PGBD2: variants seen among roughly 807,000 people sequenced by gnomAD.
PGBD2 encodes the protein piggyBac transposable element-derived protein 2.
PGBD2 carries 6 observed loss-of-function variants against 8.1 expected under a neutral mutation model. The observed-to-expected ratio is 0.74, with a 90% CI of 0.40 to 1.46. PGBD2 has a LOEUF of 1.46. Among genes scored for constraint, PGBD2 ranks in the 40% most tolerant of loss-of-function variants. The pLI is 0.02. For synonymous variants in PGBD2, 318 were observed against 272.2 expected (o/e 1.17, Z -1.66); for missense variants, 802 against 739.0 (o/e 1.09, Z -0.99).
the PGBD2 span, among the ~76,000 whole-genome samples, chr1:248,894,159 A>T: frequency 6.6e-6 from 1 of 151,944 alleles, no homozygotes; most frequent in Non-Finnish European, 1.5e-5. Flanking sequence ...CCATCATCAG[A>T]TATGTTCTTT....
chr1:248,915,555 A>G (rs535359731), intron 2 of PGBD2, among the ~76,000 whole-genome samples: 6 of 152,332 alleles, frequency 3.9e-5, no homozygotes, highest in African/African-American at 1.4e-4. Context: ...TATTAAATGC[A>G]TTTTTGACTT....
At chr1:248,922,918 C>A (rs1442972121), downstream of PGBD2, among the ~76,000 whole-genome samples, 1 of 152,144 alleles carries the variant, frequency 6.6e-6, no homozygotes, top group Non-Finnish European at 1.5e-5. Flanking sequence ...CTGAAATTTT[C>A]TTTCTTTCTT....
At chr1:248,876,692 G>A in the PGBD2 span, among the ~76,000 whole-genome samples, 1 of 152,162 alleles carries the variant, frequency 6.6e-6, no homozygotes, top group African/African-American at 2.4e-5. Flanking sequence ...GTCTGTTTTT[G>A]TGACTTTATC....
chr1:248,911,724 C>A (rs941389256), intron 1 of PGBD2, among the ~76,000 whole-genome samples: 1 of 150,582 alleles, frequency 6.6e-6, no homozygotes, highest in Non-Finnish European at 1.5e-5. Context: ...ACCTCCCGGA[C>A]GGGGCGGCTG....
At chr1:248,910,065 G>T (rs188820466) in intron 1 of PGBD2, among the ~76,000 whole-genome samples, 5 of 152,346 alleles carry the variant, frequency 3.3e-5, no homozygotes, top group African/African-American at 1.2e-4. Context: ...AAACTGCTGA[G>T]AGGTGAAGCA....
chr1:248,918,358 C>T lies in PGBD2; in HGVS notation c.1774C>T (p.Arg592Trp), dbSNP rs774697320. 4.5e-5 allele frequency: 69 copies of T among 1,542,896 alleles called. No individual in the cohort carries two copies. In the Admixed American group the frequency reaches 7.2e-4, roughly 16 times the overall value. ...CAAATGCTTCAGGGAGTACCACATC[C>T]GGTGACATCATGAGACATGCTTCTT... Reference protein sequence around the residue: ...HAKCFREYHIR With the variant: ...HAKCFREYHIW Residue 592 changes from arginine to tryptophan, a missense_variant, in exon 3 of 3, where the codon CGG becomes TGG. Physicochemically the swap from Arg to Trp is moderately radical, Grantham distance 101. Coordinates refer to ENST00000329291, the MANE Select transcript of PGBD2 (RefSeq NM_170725.3).
the PGBD2 span, among the ~76,000 whole-genome samples, chr1:248,873,933 G>A: frequency 1.3e-5 from 2 of 152,218 alleles, no homozygotes; most frequent in African/African-American, 4.8e-5. Flanking sequence ...TCCGGATGGA[G>A]GCGTGGGTTC....
intron 2 of PGBD2, among the ~76,000 whole-genome samples, chr1:248,915,234 G>A (rs1216165133): frequency 1.3e-5 from 2 of 152,202 alleles, no homozygotes; most frequent in Non-Finnish European, 2.9e-5. Context: ...CCCATCGCCA[G>A]CCCCTGGGCA....
rs1662108755 is a variant in PGBD2, at chr1:248,916,698, C to T, written c.114C>T (p.Asn38=). Residue 38 remains asparagine, a synonymous_variant, in exon 3 of 3, where the codon AAC becomes AAT. Coordinates refer to ENST00000329291, the MANE Select transcript of PGBD2 (RefSeq NM_170725.3). ...TGGAGGAGGAAGAGTCCAACAACAA[C>T]AGGGAAGAGATTTTCATTGCACCTC... The part of the protein sequence containing the change: ...NAMEEEESNN[N]REEIFIAPPD... 1 of 1,614,130 alleles carries T rather than the reference C, an allele frequency of 6.2e-7. No individual in the cohort carries two copies. The highest frequency in any genetic ancestry group is 8.5e-7 in the Non-Finnish European group (1 of 1,180,026).
the PGBD2 span, among the ~76,000 whole-genome samples, chr1:248,889,738 AC>A: frequency 3.4e-4 from 52 of 152,166 alleles, no homozygotes; most frequent in African/African-American, 1.2e-3. Flanking sequence ...CTTAATAAGC[AC>A]ATTCCTTTCC....
At chr1:248,900,603 G>C in the PGBD2 span, among the ~76,000 whole-genome samples, 91 of 152,150 alleles carry the variant, frequency 6.0e-4, 1 homozygote, top group Middle Eastern at 6.8e-3. Flanking sequence ...AAAATAATAA[G>C]AGCCATAGAT....
chr1:248,906,216 C>G (rs1388237113), upstream of PGBD2: 4 of 151,868 alleles, frequency 2.6e-5, no homozygotes, highest in African/African-American at 9.7e-5. Flanking sequence ...GGCCGAGGTG[C>G]AGCGAGCCCT....
chr1:248,917,091 T>C lies in PGBD2; in HGVS notation c.507T>C (p.Asn169=), dbSNP rs1466638016. Residue 169 remains asparagine, a synonymous_variant, in exon 3 of 3, where the codon AAT becomes AAC. Transcript: ENST00000329291. The part of the protein sequence containing the change: ...NETNRYAWQK[N]VNLSLTAQEL... ...CCAATCGTTATGCTTGGCAGAAAAA[T>C]GTCAATTTGAGTCTTACGGCTCAGG... The C allele has an allele frequency of 6.2e-7, 1 of 1,613,620 alleles. No individual in the cohort carries two copies. Among genetic ancestry groups the C allele is most frequent in the African/African-American group, 1.3e-5 (1 of 74,836 alleles).
chr1:248,906,987 A>G (rs932730159), intron 1 of PGBD2, among the ~76,000 whole-genome samples: 1 of 152,088 alleles, frequency 6.6e-6, no homozygotes, highest in Non-Finnish European at 1.5e-5. Flanking sequence ...GAAAAGAAAT[A>G]AGACACAGAG....
downstream of PGBD2, among the ~76,000 whole-genome samples, chr1:248,921,647 A>G (rs1480375949): frequency 1.3e-5 from 2 of 152,140 alleles, no homozygotes; most frequent in East Asian, 3.9e-4. Flanking sequence ...TGAAATTTAA[A>G]GTAGTTTTTT....
At chr1:248,922,210 C>T (rs1015969601), downstream of PGBD2, among the ~76,000 whole-genome samples, 1 of 152,042 alleles carries the variant, frequency 6.6e-6, no homozygotes, top group African/African-American at 2.4e-5. Flanking sequence ...CAGGCGCCCG[C>T]CACCATGCCC....
At chr1:248,891,154 T>G in the PGBD2 span, among the ~76,000 whole-genome samples, 6 of 152,238 alleles carry the variant, frequency 3.9e-5, no homozygotes, top group African/African-American at 1.4e-4. Flanking sequence ...GTCAGATGTG[T>G]TGCTCCAACA....
At chr1:248,874,276 GCGCTCTC>G in the PGBD2 span, among the ~76,000 whole-genome samples, 2 of 152,302 alleles carry the variant, frequency 1.3e-5, no homozygotes, top group East Asian at 3.9e-4. Flanking sequence ...TTAGGATTCG[GCGCTCTC>G]ACCGCCGCGG....
chr1:248,873,145 G>T, the PGBD2 span, among the ~76,000 whole-genome samples: 61 of 151,800 alleles, frequency 4.0e-4, no homozygotes, highest in African/African-American at 1.4e-3. Flanking sequence ...TGGACGAGTG[G>T]TATCTGGGCT....
Sources: allele counts gnomAD v4.1 joint callset (sites outside exome capture counted in the v4.1 genomes callset), GRCh38; gene constraint gnomAD v4.1.1; transcripts MANE v1.5; gene names NCBI Gene and HGNC (gene_info 2026-07-23, HGNC 2026-07-21).